The following PDCL3 variants were observed in gnomAD, a reference collection of about 807,000 sequenced individuals.
The protein encoded by PDCL3 is phosducin like 3, also known as phosducin-like protein 3.
A neutral mutation model predicts 26.5 loss-of-function variants in PDCL3; 22 were observed. The ratio of observed to expected loss-of-function variants is 0.83; its 90% CI spans 0.59 to 1.19. PDCL3 has a LOEUF of 1.19. PDCL3 is among the 50% of genes most tolerant of loss of function. The pLI, the probability that PDCL3 is intolerant of heterozygous loss-of-function variation, is 0.00. For missense variants in PDCL3, 246 were observed against 294.1 expected (o/e 0.84, Z 1.20); for synonymous variants, 81 against 104.9 (o/e 0.77, Z 1.39).
intron 5 of PDCL3, among the ~76,000 whole-genome samples, chr2:100,572,900 T>G (rs1389686704): frequency 6.6e-6 from 1 of 152,068 alleles, no homozygotes; most frequent in East Asian, 1.9e-4. Flanking sequence ...TGTTTGTTTT[T>G]TTGAGATGGA....
intron 3 of PDCL3, 39 bp downstream of exon 3, chr2:100,569,060 TTG>T: frequency 6.4e-7 from 1 of 1,561,816 alleles, no homozygotes; most frequent in Non-Finnish European, 8.7e-7. Context: ...TTTTTTGTTG[TTG>T]TTTGTTTTGT....
intron 5 of PDCL3, among the ~76,000 whole-genome samples, chr2:100,572,292 A>C (rs2104396177): frequency 6.6e-6 from 1 of 152,216 alleles, no homozygotes; most frequent in East Asian, 1.9e-4. Context: ...CCTCACTGCA[A>C]CTTCTGCCTC....
rs771441077 is a variant in PDCL3, at chr2:100,563,020, C to G, written c.-48C>G. 2.5e-6 allele frequency: 4 copies of G among 1,582,250 alleles called. No homozygotes were observed. Among genetic ancestry groups the G allele is most frequent in the Non-Finnish European group, 3.4e-6 (4 of 1,164,964 alleles). ...GCGTGCACAAAAGAGAGCTGAGGGG[C>G]GGGGGCGCTGCGGCACAGCTGGTTT... On this transcript the variant is annotated 5_prime_UTR_variant, in exon 1 of 6. Coordinates refer to ENST00000264254, the MANE Select transcript of PDCL3 (RefSeq NM_024065.5).
rs1329031492 is a variant in PDCL3, at chr2:100,563,072, A to C, written c.5A>C (p.Gln2Pro). The C allele has an allele frequency of 2.5e-6, 4 of 1,604,530 alleles. No individual in the cohort carries two copies. The highest frequency in any genetic ancestry group is 8.5e-7 in the Non-Finnish European group (1 of 1,175,990). ...AGCAACTGAACTGGAAACAAGATGC[A>C]GGTGAGCTAGGACGGGTCTCGGGTC... MQDPNADTEWND... is the reference protein window; with the variant it reads MPDPNADTEWND... Residue 2 changes from glutamine (Q) to proline (P), a missense_variant and splice_region_variant, in exon 1 of 6, where the codon CAG (glutamine) becomes CCG (proline). Transcript: ENST00000264254.
At chr2:100,567,322 A>C (rs1037755686) in intron 2 of PDCL3, among the ~76,000 whole-genome samples, 2 of 152,238 alleles carry the variant, frequency 1.3e-5, no homozygotes, top group African/African-American at 4.8e-5. Context: ...TATCATTGTC[A>C]GGTGCTTTTC....
intron 2 of PDCL3, among the ~76,000 whole-genome samples, chr2:100,567,602 A>G (rs1675081752): frequency 6.6e-6 from 1 of 152,066 alleles, no homozygotes; most frequent in South Asian, 2.1e-4. Flanking sequence ...TTGAGACCTG[A>G]AGGAGGTGAA....
At chr2:100,566,171 G>C (rs1449277911) in intron 1 of PDCL3, among the ~76,000 whole-genome samples, 1 of 151,832 alleles carries the variant, frequency 6.6e-6, no homozygotes, top group Non-Finnish European at 1.5e-5. Flanking sequence ...CCAAAGTGCT[G>C]GGATTACAGG....
chr2:100,570,659 G>T (rs1248640959), intron 4 of PDCL3, among the ~76,000 whole-genome samples: 2 of 151,804 alleles, frequency 1.3e-5, no homozygotes, highest in Non-Finnish European at 2.9e-5. Flanking sequence ...TGTATTTTTA[G>T]TAGAGACGGG....
chr2:100,575,532 C>T (rs1158699687), intron 5 of PDCL3, among the ~76,000 whole-genome samples: 1 of 152,142 alleles, frequency 6.6e-6, no homozygotes, highest in Non-Finnish European at 1.5e-5. Context: ...CTTACGTAGT[C>T]CTTTGGTTCT....
intron 2 of PDCL3, among the ~76,000 whole-genome samples, chr2:100,567,041 G>C (rs994162032): frequency 1.3e-5 from 2 of 152,180 alleles, no homozygotes; most frequent in African/African-American, 4.8e-5. Context: ...GTGGGAGTCT[G>C]AGGGGGGTTT....
Position 100,569,589 on chromosome 2 carries a change from T to A in PDCL3, c.236T>A (p.Leu79Gln), listed in dbSNP as rs1210954941. The A allele has an allele frequency of 6.2e-7, 1 of 1,613,264 alleles. No homozygotes were observed. The highest frequency in any genetic ancestry group is 8.5e-7 in the Non-Finnish European group (1 of 1,179,814). ...CTTGTTTTGTGCAGACGGCGGAGAC[T>A]GGCTGAGTGGAAAGCAACTAAACTG... ...RAIEMYRRRRLAEWKATKLKN... is the reference protein window; with the variant it reads ...RAIEMYRRRRQAEWKATKLKN... The change falls in exon 4 of 6, where the codon CTG (leucine) becomes CAG (glutamine). Residue 79 changes from leucine (L) to glutamine (Q), a missense_variant. By Grantham distance (113) the Leu-to-Gln change is moderately radical. Coordinates refer to ENST00000264254, the MANE Select transcript of PDCL3 (RefSeq NM_024065.5).
At chr2:100,563,194 C>G (rs1008040583) in intron 1 of PDCL3, 121 bp downstream of exon 1, 8 of 1,299,924 alleles carry the variant, frequency 6.2e-6, no homozygotes, top group East Asian at 5.4e-5. Flanking sequence ...CGAGGGAGGC[C>G]CGGCGCGTCC....
intron 5 of PDCL3, 115 bp from the exon 6 acceptor site, chr2:100,576,239 G>C: frequency 8.1e-7 from 1 of 1,231,248 alleles, no homozygotes; most frequent in East Asian, 2.5e-5. Flanking sequence ...ATTGTGCTGG[G>C]CCAAATTTCG....
chr2:100,563,257 C>A, intron 1 of PDCL3, 184 bp downstream of exon 1: 1 of 597,302 alleles, frequency 1.7e-6, no homozygotes, highest in South Asian at 3.2e-5. Flanking sequence ...CCAGGACCCA[C>A]GGCCTGGGCG....
chr2:100,575,530 G>C (rs910159775), intron 5 of PDCL3, among the ~76,000 whole-genome samples: 1 of 152,170 alleles, frequency 6.6e-6, no homozygotes, highest in Non-Finnish European at 1.5e-5. Flanking sequence ...CTCTTACGTA[G>C]TCCTTTGGTT....
At chr2:100,569,362 AT>A in intron 3 of PDCL3, among the ~76,000 whole-genome samples, 1 of 152,212 alleles carries the variant, frequency 6.6e-6, no homozygotes, top group Non-Finnish European at 1.5e-5. Context: ...GTCTCAAAAA[AT>A]AAAATGAAAT....
chr2:100,569,550 AAGATGTTTC>A lies in PDCL3; in HGVS notation c.225-27_225-19del. On this transcript the variant is annotated intron_variant, in intron 3 of 5. Transcript: ENST00000264254. ...GTGTGTGTACACGTGTTTGTGACGT[AAGATGTTTC>A]TCTCCTTGTTTTGTGCAGACGGCGG... 1 of 1,610,850 alleles carries A rather than the reference AAGATGTTTC, an allele frequency of 6.2e-7. No individual in the cohort carries two copies. The highest frequency in any genetic ancestry group is 8.5e-7 in the Non-Finnish European group (1 of 1,179,138).
At chr2:100,566,389 A>G in intron 1 of PDCL3, 114 bp from the exon 2 acceptor site, 1 of 1,320,714 alleles carries the variant, frequency 7.6e-7, no homozygotes, top group Non-Finnish European at 1.1e-6. Flanking sequence ...AATAGTTCAC[A>G]GACTGGTGTG....
intron 5 of PDCL3, among the ~76,000 whole-genome samples, chr2:100,575,150 T>C (rs981611692): frequency 1.3e-5 from 2 of 152,164 alleles, no homozygotes; most frequent in Non-Finnish European, 2.9e-5. Context: ...AGATTTTTTT[T>C]ATTTTGAGAC....
Sources: gnomAD v4.1 joint callset for allele counts (sites outside exome capture counted in the v4.1 genomes callset) on GRCh38, gnomAD v4.1.1 for gene constraint, MANE v1.5 for transcripts, NCBI Gene and HGNC (gene_info 2026-07-23, HGNC 2026-07-21) for gene names.